The following ACYP2 variants were observed in gnomAD, a reference collection of about 807,000 sequenced individuals.
ACYP2 encodes the protein acylphosphatase 2.
In ACYP2, 12 loss-of-function variants were observed where a neutral mutation model predicts 11.2. The ratio of observed to expected loss-of-function variants is 1.08; its 90% confidence interval spans 0.69 to 1.74. The LOEUF is 1.74. Among genes scored for constraint, ACYP2 ranks in the 40% most tolerant of loss-of-function variants. ACYP2 has a pLI of 0.00. For synonymous variants in ACYP2, 43 were observed against 32.2 expected, an observed-to-expected ratio of 1.33 and a Z score of -1.13; for missense variants, 134 against 101.9, an observed-to-expected ratio of 1.31 and a Z score of -1.35.
chr2:54,085,240 T>C (rs1371217413), intron 4 of ACYP2, among the ~76,000 whole-genome samples: 1 of 152,224 alleles, frequency 6.6e-6, no homozygotes, highest in African/African-American at 2.4e-5. Context: ...GTTCCAAGGC[T>C]GTGCACATTT....
At chr2:54,015,051 C>G (rs1673603132) in intron 2 of ACYP2, among the ~76,000 whole-genome samples, 1 of 152,156 alleles carries the variant, frequency 6.6e-6, no homozygotes, top group South Asian at 2.1e-4. Context: ...AGTATACTAG[C>G]TATCACTGGG....
intron 6 of ACYP2, among the ~76,000 whole-genome samples, chr2:54,298,489 A>T (rs1299671802): frequency 6.6e-6 from 1 of 152,220 alleles, no homozygotes; most frequent in Non-Finnish European, 1.5e-5. Flanking sequence ...AAATAACGGG[A>T]GATAAAGCTA....
chr2:53,994,932 G>A (rs1445254899), intron 2 of ACYP2, among the ~76,000 whole-genome samples: 1 of 152,088 alleles, frequency 6.6e-6, no homozygotes, highest in African/African-American at 2.4e-5. Context: ...TAGCGTTTCC[G>A]TTATATTCTG....
At chr2:54,009,911 T>C (rs1198852639) in intron 2 of ACYP2, among the ~76,000 whole-genome samples, 1 of 152,150 alleles carries the variant, frequency 6.6e-6, no homozygotes, top group Admixed American at 6.6e-5. Flanking sequence ...CAGTAACCTG[T>C]CCCTGGCCAC....
rs550142135 is a variant in ACYP2 at position 54,035,009 on chromosome 2, C to CAAAAAAAAAAAAAAAAAAAAAAAAAAAAA, written c.63-15926_63-15925insAAAAAAAAAAAAAAAAAAAAAAAAAAAAA. 6.3e-4 allele frequency among the ~76,000 whole-genome samples: 28 copies of CAAAAAAAAAAAAAAAAAAAAAAAAAAAAA among 44,776 alleles called. 5 individuals are homozygous for CAAAAAAAAAAAAAAAAAAAAAAAAAAAAA. The highest frequency in any genetic ancestry group is 7.9e-4 in the Non-Finnish European group (15 of 18,952). 29.4% of individuals were successfully genotyped at this position (44,776 alleles called of 152,430 possible). ...CAGGCGACAGTGCGAGACTACATCT[C>CAAAAAAAAAAAAAAAAAAAAAAAAAAAAA]AAAAAAAAAAAAAAAAAAAAAAAGC... On this transcript the variant is annotated intron_variant, in intron 2 of 6. Transcript: ENST00000607452.
At chr2:54,028,113 G>A (rs978772121) in intron 2 of ACYP2, among the ~76,000 whole-genome samples, 1 of 152,036 alleles carries the variant, frequency 6.6e-6, no homozygotes, top group African/African-American at 2.4e-5. Context: ...AAAGTGCTGG[G>A]ATTATAAGCA....
intron 6 of ACYP2, among the ~76,000 whole-genome samples, chr2:54,175,168 T>C (rs546021905): frequency 5.4e-4 from 83 of 152,322 alleles, no homozygotes; most frequent in Non-Finnish European, 1.1e-3. Flanking sequence ...CTGGAGTTTT[T>C]TTTGGTTGGT....
intron 2 of ACYP2, among the ~76,000 whole-genome samples, chr2:54,044,312 C>T (rs74420819): frequency 7.1e-4 from 108 of 152,164 alleles, no homozygotes; most frequent in Admixed American, 2.1e-3. Context: ...AGAAGATCTA[C>T]GGCTGAGTGC....
chr2:54,055,622 G>A (rs1012906685), intron 3 of ACYP2, among the ~76,000 whole-genome samples: 5 of 152,218 alleles, frequency 3.3e-5, no homozygotes, highest in East Asian at 1.9e-4. Flanking sequence ...TATTTAGGAC[G>A]TGATGGTGGA....
intron 6 of ACYP2, among the ~76,000 whole-genome samples, chr2:54,304,100 G>T (rs187429421): frequency 6.6e-6 from 1 of 152,250 alleles, no homozygotes; most frequent in African/African-American, 2.4e-5. Flanking sequence ...GTTAATATAT[G>T]TGGTAAGAAA....
chr2:54,159,654 G>T (rs1572870399), intron 6 of ACYP2, among the ~76,000 whole-genome samples: 3 of 152,250 alleles, frequency 2.0e-5, no homozygotes. Flanking sequence ...TCTAACTGGG[G>T]TGAGAGAGGT....
chr2:54,038,701 A>G lies in ACYP2; in HGVS notation c.63-12257A>G, dbSNP rs1355143543. ...TATATATATATATATATATATATAT[A>G]TATATATATATACTCTTCTAAGTGC... is the stretch of plus-strand genomic sequence containing the variant. On this transcript the variant is annotated intron_variant, in intron 2 of 6. Transcript: ENST00000607452. 4.0e-4 allele frequency among the ~76,000 whole-genome samples: 32 copies of G among 79,946 alleles called. 2 individuals carry two copies. Among genetic ancestry groups the G allele is most frequent in the Non-Finnish European group, 7.4e-4 (27 of 36,444 alleles). 52.4% of individuals were successfully genotyped at this position (79,946 alleles called of 152,430 possible).
intron 2 of ACYP2, among the ~76,000 whole-genome samples, chr2:54,000,566 C>G (rs368754791): frequency 3.9e-5 from 6 of 152,192 alleles, no homozygotes; most frequent in Admixed American, 6.6e-5. Context: ...TTCTTAGAGA[C>G]TTGAAACAAC....
intron 2 of ACYP2, among the ~76,000 whole-genome samples, chr2:54,019,907 A>G (rs1673912885): frequency 6.6e-6 from 1 of 152,090 alleles, no homozygotes; most frequent in Non-Finnish European, 1.5e-5. Context: ...AGCATGAGCC[A>G]CTGCACCTGG....
intron 2 of ACYP2, among the ~76,000 whole-genome samples, chr2:53,997,512 G>T (rs369829140): frequency 6.6e-6 from 1 of 151,556 alleles, no homozygotes; most frequent in South Asian, 2.1e-4. Context: ...CACCATGTTG[G>T]TCAGGCTGAT....
chr2:54,211,116 G>A (rs1032604271), intron 6 of ACYP2, among the ~76,000 whole-genome samples: 2 of 152,006 alleles, frequency 1.3e-5, no homozygotes, highest in African/African-American at 4.8e-5. Context: ...CAGTTGCATG[G>A]GGTCATCTGA....
Position 54,256,042 on chromosome 2 carries a change from G to A in ACYP2, c.405-48646G>A, listed in dbSNP as rs145652172. 87 of 1,614,180 alleles carry A rather than the reference G, an allele frequency of 5.4e-5. No homozygotes were observed. In the East Asian group the frequency reaches 1.6e-3, roughly 30 times the overall value. On this transcript the variant is annotated intron_variant, in intron 6 of 6. Transcript: ENST00000607452. ...CTCCAAGCGGCCATCAAACATATCT[G>A]CCATTACCTCTGTCGCCTTGCTCTT... is the stretch of plus-strand genomic sequence containing the variant.
chr2:54,248,641 T>G (rs1687070389), intron 6 of ACYP2, among the ~76,000 whole-genome samples: 1 of 152,140 alleles, frequency 6.6e-6, no homozygotes, highest in East Asian at 1.9e-4. Flanking sequence ...CACTGTAGAT[T>G]GTCTGTCTCC....
At chr2:53,995,960 C>CTG (rs1342033072) in intron 2 of ACYP2, among the ~76,000 whole-genome samples, 1 of 152,022 alleles carries the variant, frequency 6.6e-6, no homozygotes, top group Admixed American at 6.6e-5. Context: ...TGGTGAAACC[C>CTG]TGTGTCTACC....
Sources: allele counts gnomAD v4.1 joint callset (sites outside exome capture counted in the v4.1 genomes callset), GRCh38; gene constraint gnomAD v4.1.1; transcripts MANE v1.5; gene names NCBI Gene and HGNC (gene_info 2026-07-23, HGNC 2026-07-21).